Variants in TXNDC9 observed in about 807,000 individuals in gnomAD.
TXNDC9 encodes the protein thioredoxin domain-containing protein 9.
In TXNDC9, 7 loss-of-function variants were observed where a neutral mutation model predicts 23.0. The ratio of observed to expected loss-of-function variants is 0.30; its 90% CI spans 0.17 to 0.57. The LOEUF is 0.57. Ranked by LOEUF, TXNDC9 falls within the 20% of genes least tolerant of loss-of-function variation. The pLI, the probability that TXNDC9 is intolerant of heterozygous loss-of-function variation, is 0.90. For synonymous variants in TXNDC9, 72 were observed against 90.6 expected, an observed-to-expected ratio of 0.79 and a Z score of 1.17; for missense variants, 198 against 252.6, an observed-to-expected ratio of 0.78 and a Z score of 1.47.
chr2:99,325,081 G>T (rs6734290), intron 3 of TXNDC9, among the ~76,000 whole-genome samples: 57,984 of 152,112 alleles, frequency 0.38, 11,859 homozygotes, highest in East Asian at 0.63. Context: ...CAACAGTCAT[G>T]GTATAAATAG....
intron 2 of TXNDC9, among the ~76,000 whole-genome samples, chr2:99,330,696 G>C (rs2105325459): frequency 6.6e-6 from 1 of 152,300 alleles, no homozygotes; most frequent in East Asian, 1.9e-4. Flanking sequence ...TTGGCTGACA[G>C]AAGAATATAG....
At chr2:99,307,967 A>C in the TXNDC9 span, among the ~76,000 whole-genome samples, 1 of 152,172 alleles carries the variant, frequency 6.6e-6, no homozygotes, top group Non-Finnish European at 1.5e-5. Context: ...TTTCTCTGCA[A>C]GCTGTGTAAG....
the TXNDC9 span, among the ~76,000 whole-genome samples, chr2:99,310,097 T>A: frequency 6.6e-6 from 1 of 152,224 alleles, no homozygotes; most frequent in African/African-American, 2.4e-5. Flanking sequence ...TTGTGAAAGA[T>A]CATGACAATA....
Position 99,319,799 on chromosome 2 carries a change from ACTT to A in TXNDC9, c.564-3_564-1del. The A allele has an allele frequency of 6.5e-7, 1 of 1,542,292 alleles. No individual in the cohort carries two copies. Among genetic ancestry groups the A allele is most frequent in the Admixed American group, 2.1e-5 (1 of 46,676 alleles). On this transcript the variant is annotated splice_acceptor_variant and splice_polypyrimidine_tract_variant and intron_variant, in intron 4 of 4. Coordinates refer to ENST00000264255, the MANE Select transcript of TXNDC9 (RefSeq NM_005783.4). LOFTEE classifies it high-confidence loss of function. ...GAAATGGTGGCTCCATTAAATTTCCACTTAAAAAAAAAAAAAAGCATTTTATTC... is the reference window on the plus strand; with the variant it reads ...GAAATGGTGGCTCCATTAAATTTCCAAAAAAAAAAAAAAAGCATTTTATTC...
chr2:99,314,447 A>G (rs12475639), downstream of TXNDC9, among the ~76,000 whole-genome samples: 66,348 of 151,220 alleles, frequency 0.44, 14,859 homozygotes, highest in Admixed American at 0.57. Flanking sequence ...AGCATTTACA[A>G]TGTGTTAGGT....
intron 3 of TXNDC9, among the ~76,000 whole-genome samples, chr2:99,324,211 A>T (rs2094208683): frequency 6.6e-6 from 1 of 152,186 alleles, no homozygotes; most frequent in Non-Finnish European, 1.5e-5. Context: ...GGAAACATAC[A>T]GCTGTTCTTA....
chr2:99,327,663 A>T lies in TXNDC9; in HGVS notation c.190-10T>A. ...CTTTAGAAAGCCATTCCTAATTTGGAGAGAGGCAAAACATTACACATGTGA... is the reference window on the plus strand; with the variant it reads ...CTTTAGAAAGCCATTCCTAATTTGGTGAGAGGCAAAACATTACACATGTGA... On this transcript the variant is annotated splice_polypyrimidine_tract_variant and intron_variant, in intron 2 of 4. Transcript: ENST00000264255. 1.3e-6 allele frequency: 2 copies of T among 1,569,562 alleles called. No individual in the cohort carries two copies. The highest frequency in any genetic ancestry group is 8.8e-7 in the Non-Finnish European group (1 of 1,140,404).
chr2:99,316,763 T>C (rs1181216692), downstream of TXNDC9, among the ~76,000 whole-genome samples: 1 of 152,144 alleles, frequency 6.6e-6, no homozygotes, highest in African/African-American at 2.4e-5. Flanking sequence ...TATTTTATTT[T>C]ATATATTTTT....
chr2:99,327,253 G>A (rs1003237584), intron 3 of TXNDC9, among the ~76,000 whole-genome samples: 9 of 152,028 alleles, frequency 5.9e-5, no homozygotes, highest in African/African-American at 2.2e-4. Flanking sequence ...TGTAGTTTTA[G>A]TAGAGGCAGG....
intron 3 of TXNDC9, among the ~76,000 whole-genome samples, chr2:99,323,460 A>T (rs2105321068): frequency 6.6e-6 from 1 of 150,682 alleles, no homozygotes; most frequent in African/African-American, 2.4e-5. Flanking sequence ...TTCTGGCCTG[A>T]TGCAGTGGCT....
intron 2 of TXNDC9, 34 bp downstream of exon 2, chr2:99,332,988 A>G: frequency 6.5e-7 from 1 of 1,547,968 alleles, no homozygotes; most frequent in Non-Finnish European, 8.9e-7. Context: ...GCATACTGTT[A>G]TAGCAATTTC....
the TXNDC9 span, among the ~76,000 whole-genome samples, chr2:99,311,255 G>A: frequency 2.6e-5 from 4 of 152,218 alleles, no homozygotes; most frequent in African/African-American, 9.6e-5. Flanking sequence ...CTTTTGTGGA[G>A]ATGGGGTCTT....
chr2:99,318,037 C>T (rs553518905), downstream of TXNDC9, among the ~76,000 whole-genome samples: 5 of 152,270 alleles, frequency 3.3e-5, no homozygotes, highest in South Asian at 2.1e-4. Flanking sequence ...ATTACAGGCA[C>T]GTGCCATGAT....
At chr2:99,329,638 T>G (rs188614544) in intron 2 of TXNDC9, among the ~76,000 whole-genome samples, 5 of 152,356 alleles carry the variant, frequency 3.3e-5, no homozygotes, top group Admixed American at 6.5e-5. Flanking sequence ...ATTTCATGAC[T>G]GCTTTCACAA....
chr2:99,318,215 C>A (rs2094194009), downstream of TXNDC9, among the ~76,000 whole-genome samples: 1 of 151,500 alleles, frequency 6.6e-6, no homozygotes. Flanking sequence ...TGTTGGCATT[C>A]CCTTTTGCTT....
At chr2:99,324,992 C>G (rs769424576) in intron 3 of TXNDC9, among the ~76,000 whole-genome samples, 1 of 152,252 alleles carries the variant, frequency 6.6e-6, no homozygotes, top group African/African-American at 2.4e-5. Flanking sequence ...GATCCACCTG[C>G]CTCAGCCTCC....
chr2:99,314,530 T>TTTTTTTTTG (rs2094184203), downstream of TXNDC9, among the ~76,000 whole-genome samples: 1 of 14,072 alleles, frequency 7.1e-5, no homozygotes, highest in Non-Finnish European at 2.5e-4. Context: ...ATACTACACC[T>TTTTTTTTTG]TTTTTTTTTT....
chr2:99,327,959 AT>A (rs1359448115), intron 2 of TXNDC9, among the ~76,000 whole-genome samples: 1 of 151,300 alleles, frequency 6.6e-6, no homozygotes, highest in African/African-American at 2.4e-5. Context: ...TACTTTTTGT[AT>A]TTTTAGCAGA....
At chr2:99,335,368 A>T (rs1200771938) in intron 1 of TXNDC9, among the ~76,000 whole-genome samples, 2 of 152,216 alleles carry the variant, frequency 1.3e-5, no homozygotes. Flanking sequence ...ACTTGATTTC[A>T]TCTTTGTATC....
Sources: gnomAD v4.1 joint callset for allele counts (sites outside exome capture counted in the v4.1 genomes callset) on GRCh38, gnomAD v4.1.1 for gene constraint, MANE v1.5 for transcripts, NCBI Gene and HGNC (gene_info 2026-07-23, HGNC 2026-07-21) for gene names.